MARCHF8: variants seen among roughly 807,000 people sequenced by gnomAD.
MARCHF8 encodes the protein membrane associated ring-CH-type finger 8, also known as E3 ubiquitin-protein ligase MARCHF8.
In MARCHF8, 40 loss-of-function variants were observed where a neutral mutation model predicts 51.6. That is an observed-to-expected ratio of 0.77 (90% CI 0.60 to 1.01). The LOEUF (loss-of-function observed/expected upper bound fraction) is 1.01, where lower values mean the gene tolerates loss of function less well. MARCHF8 is among the 50% of genes least tolerant of loss of function. The pLI, the probability that MARCHF8 is intolerant of heterozygous loss-of-function variation, is 0.00. For synonymous variants in MARCHF8, 263 were observed against 280.3 expected (o/e 0.94, Z 0.62); for missense variants, 685 against 708.6 (o/e 0.97, Z 0.38).
intron 2 of MARCHF8, among the ~76,000 whole-genome samples, chr10:45,499,410 C>T (rs554061093): frequency 6.6e-6 from 1 of 152,238 alleles, no homozygotes; most frequent in African/African-American, 2.4e-5. Flanking sequence ...CCACTGTTTC[C>T]TTTGATGCCC....
At chr10:45,564,512 T>C (rs894895992) in intron 1 of MARCHF8, among the ~76,000 whole-genome samples, 3 of 152,076 alleles carry the variant, frequency 2.0e-5, no homozygotes, top group African/African-American at 7.2e-5. Flanking sequence ...TTATGACATG[T>C]ACATAATCAG....
chr10:45,567,588 C>T (rs1015378682), intron 1 of MARCHF8, among the ~76,000 whole-genome samples: 58 of 152,100 alleles, frequency 3.8e-4, no homozygotes, highest in African/African-American at 1.3e-3. Flanking sequence ...GCTCACTGTA[C>T]GTGTGTGGAT....
At chr10:45,561,835 A>G (rs563909505) in intron 1 of MARCHF8, among the ~76,000 whole-genome samples, 1 of 145,510 alleles carries the variant, frequency 6.9e-6, no homozygotes, top group South Asian at 2.2e-4. Context: ...CAGGAAGCAG[A>G]GCTTGCAGTG....
chr10:45,516,550 GGTCAGGAGTTCGA>G (rs1053636935), intron 2 of MARCHF8, among the ~76,000 whole-genome samples: 2 of 152,164 alleles, frequency 1.3e-5, no homozygotes, highest in African/African-American at 4.8e-5. Context: ...GATCACCTGA[GGTCAGGAGTTCGA>G]GACCAGCCTG....
At chr10:45,587,853 A>G (rs1013774174) in intron 1 of MARCHF8, among the ~76,000 whole-genome samples, 2 of 152,196 alleles carry the variant, frequency 1.3e-5, no homozygotes, top group African/African-American at 4.8e-5. Flanking sequence ...GAAACTCAAT[A>G]GGGAAAGAAT....
intron 1 of MARCHF8, among the ~76,000 whole-genome samples, chr10:45,558,086 T>C (rs1442812978): frequency 3.3e-5 from 5 of 152,214 alleles, no homozygotes; most frequent in African/African-American, 2.4e-5. Context: ...GATGAACGCT[T>C]AGTCAATCAC....
chr10:45,550,257 G>A (rs966571014), intron 1 of MARCHF8, among the ~76,000 whole-genome samples: 1 of 152,090 alleles, frequency 6.6e-6, no homozygotes, highest in Non-Finnish European at 1.5e-5. Context: ...CATTAATAAA[G>A]ATCCAAAAAT....
chr10:45,474,210 G>T (rs1247607468), intron 3 of MARCHF8, among the ~76,000 whole-genome samples: 1 of 152,206 alleles, frequency 6.6e-6, no homozygotes, highest in Non-Finnish European at 1.5e-5. Flanking sequence ...CTCCATGTTA[G>T]AGATGAGACA....
At chr10:45,460,867 A>C (rs1029017629) in intron 6 of MARCHF8, among the ~76,000 whole-genome samples, 2 of 152,216 alleles carry the variant, frequency 1.3e-5, no homozygotes, top group Non-Finnish European at 2.9e-5. Flanking sequence ...GGGAGATACT[A>C]ATCTCCAACA....
At chr10:45,500,862 T>C (rs1234282422) in intron 2 of MARCHF8, among the ~76,000 whole-genome samples, 1 of 149,162 alleles carries the variant, frequency 6.7e-6, no homozygotes, top group Non-Finnish European at 1.5e-5. Flanking sequence ...ACTGCATTGC[T>C]ATATATATAT....
intron 3 of MARCHF8, among the ~76,000 whole-genome samples, chr10:45,468,819 A>C (rs929087965): frequency 2.4e-4 from 36 of 152,234 alleles, no homozygotes; most frequent in African/African-American, 7.0e-4. Flanking sequence ...CAAGAAAATT[A>C]ATCAAATAAT....
At chr10:45,572,804 T>A (rs1358404283) in intron 1 of MARCHF8, among the ~76,000 whole-genome samples, 1 of 151,862 alleles carries the variant, frequency 6.6e-6, no homozygotes, top group Non-Finnish European at 1.5e-5. Flanking sequence ...GGTAGAGACA[T>A]AGGAAACGTG....
chr10:45,506,615 CTAAG>C (rs2043390701), intron 2 of MARCHF8, among the ~76,000 whole-genome samples: 1 of 152,170 alleles, frequency 6.6e-6, no homozygotes, highest in Admixed American at 6.5e-5. Flanking sequence ...GATCTCATTT[CTAAG>C]TAAGACTGAA....
At chr10:45,554,915 C>T (rs905840207) in intron 1 of MARCHF8, among the ~76,000 whole-genome samples, 2 of 152,014 alleles carry the variant, frequency 1.3e-5, no homozygotes, top group African/African-American at 4.8e-5. Context: ...ATTAGCCAGG[C>T]GTAGTGGTGC....
chr10:45,476,124 G>A (rs1331304648), intron 3 of MARCHF8, among the ~76,000 whole-genome samples: 2 of 152,152 alleles, frequency 1.3e-5, no homozygotes, highest in African/African-American at 2.4e-5. Context: ...TACACCAGAC[G>A]TGCAGAGATT....
chr10:45,474,784 G>A (rs966699257), intron 3 of MARCHF8, among the ~76,000 whole-genome samples: 2 of 152,188 alleles, frequency 1.3e-5, no homozygotes, highest in Non-Finnish European at 2.9e-5. Flanking sequence ...AGTCAGGCAA[G>A]GCAGCCAAGA....
intron 1 of MARCHF8, among the ~76,000 whole-genome samples, chr10:45,560,656 C>G (rs905018213): frequency 2.6e-5 from 4 of 151,506 alleles, no homozygotes; most frequent in Admixed American, 6.6e-5. Context: ...CATTGGATAC[C>G]TGCATGTGAG....
At position 45,458,048 on chromosome 10, in the gene MARCHF8, G is replaced by A; in HGVS notation, c.*191C>T. 1 of 598,130 alleles carries A rather than the reference G, an allele frequency of 1.7e-6. No homozygotes were observed. 37.1% of individuals were successfully genotyped at this position (598,130 alleles called of 1,614,324 possible). On this transcript the variant is annotated 3_prime_UTR_variant, in exon 8 of 8. Coordinates refer to ENST00000453424, the MANE Select transcript of MARCHF8 (RefSeq NM_001282866.2). ...CCACAGAGCTGCCAGGCAGAGGCAGGACCCAGGCATGCCTGGCCCACAGGA... is the reference window on the plus strand; with the variant it reads ...CCACAGAGCTGCCAGGCAGAGGCAGAACCCAGGCATGCCTGGCCCACAGGA...
At chr10:45,495,936 T>G (rs900323909) in intron 2 of MARCHF8, among the ~76,000 whole-genome samples, 1 of 152,002 alleles carries the variant, frequency 6.6e-6, no homozygotes, top group African/African-American at 2.4e-5. Context: ...AAATGACTCA[T>G]CATATTCTCC....
Sources: gnomAD v4.1 joint callset for allele counts (sites outside exome capture counted in the v4.1 genomes callset) on GRCh38, gnomAD v4.1.1 for gene constraint, MANE v1.5 for transcripts, NCBI Gene and HGNC (gene_info 2026-07-23, HGNC 2026-07-21) for gene names.